Variants in HDAC9 observed in about 807,000 individuals in gnomAD.
HDAC9 encodes MEF-2 interacting transcription repressor (MITR) protein.
HDAC9 carries 41 observed loss-of-function variants against 139.4 expected under a neutral mutation model. The observed-to-expected ratio is 0.29, with a 90% CI of 0.23 to 0.38. The LOEUF (loss-of-function observed/expected upper bound fraction) is 0.38, where lower values mean the gene tolerates loss of function less well. Ranked by LOEUF, HDAC9 falls within the 10% of genes least tolerant of loss-of-function variation. HDAC9 has a pLI of 1.00. For synonymous variants in HDAC9, 517 were observed against 476.2 expected, an observed-to-expected ratio of 1.09 and a Z score of -1.12; for missense variants, 1,147 against 1,297.0, an observed-to-expected ratio of 0.88 and a Z score of 1.78.
At chr7:18,343,653 A>C (rs957980304) in intron 1 of HDAC9, among the ~76,000 whole-genome samples, 1 of 151,872 alleles carries the variant, frequency 6.6e-6, no homozygotes, top group Non-Finnish European at 1.5e-5. Context: ...AATATAAAAC[A>C]TAGAAATAAA....
intron 21 of HDAC9, among the ~76,000 whole-genome samples, chr7:18,841,018 A>G (rs1796550571): frequency 6.6e-6 from 1 of 152,140 alleles, no homozygotes; most frequent in South Asian, 2.1e-4. Context: ...AATAATGGTC[A>G]GCCTAGAGAT....
intron 25 of HDAC9, among the ~76,000 whole-genome samples, chr7:18,989,275 T>C (rs1057374667): frequency 6.6e-6 from 1 of 150,794 alleles, no homozygotes; most frequent in Non-Finnish European, 1.5e-5. Flanking sequence ...ACAAAATCTC[T>C]CAGCATTTGC....
intron 13 of HDAC9, 85 bp downstream of exon 13, chr7:18,727,842 C>G (rs181597104): frequency 4.6e-6 from 5 of 1,080,116 alleles, no homozygotes; most frequent in Middle Eastern, 2.1e-4. Flanking sequence ...CTCTGAATAA[C>G]TCCAATAGCA....
intron 12 of HDAC9, among the ~76,000 whole-genome samples, chr7:18,698,031 C>T (rs1429330289): frequency 1.3e-5 from 2 of 151,824 alleles, no homozygotes; most frequent in Non-Finnish European, 2.9e-5. Context: ...GACGCATGAA[C>T]AAAAATTATG....
chr7:18,669,784 A>G (rs937416361), intron 12 of HDAC9, among the ~76,000 whole-genome samples: 1 of 151,876 alleles, frequency 6.6e-6, no homozygotes, highest in Non-Finnish European at 1.5e-5. Context: ...AAAACTTTTC[A>G]TTAGAAAAAA....
chr7:18,558,968 G>A (rs906811167), intron 2 of HDAC9, among the ~76,000 whole-genome samples: 2 of 152,164 alleles, frequency 1.3e-5, no homozygotes. Flanking sequence ...GAAGTGAGGG[G>A]AACAGGTAAG....
rs987359262 is a variant in HDAC9 at position 18,591,531 on chromosome 7, C to T, written c.431C>T (p.Thr144Ile). The change falls in exon 5 of 26, where the codon ACA (threonine) becomes ATA (isoleucine). Residue 144 changes from threonine to isoleucine, a missense_variant. This residue lies in a region of HDAC9 where 136 missense variants were observed against 183.5 expected (regional missense o/e 0.74). Transcript: ENST00000686413. ...DRGRERAVAS[T>I]EVKQKLQEFL... ...TGTATTTCAGGGGCAGTGGCAAGTA[C>T]AGAAGTAAAGCAGAAGCTTCAAGAG... 1.3e-6 allele frequency: 2 copies of T among 1,591,138 alleles called. No individual in the cohort carries two copies. Among genetic ancestry groups the T allele is most frequent in the African/African-American group, 1.4e-5 (1 of 73,730 alleles).
At chr7:18,108,611 C>CTTT (rs10708554) in intron 1 of HDAC9, among the ~76,000 whole-genome samples, 3 of 82,976 alleles carry the variant, frequency 3.6e-5, no homozygotes, top group Non-Finnish European at 5.2e-5. Context: ...CACTCATCTC[C>CTTT]TTTTTTTTTT....
chr7:18,320,453 G>T (rs1401562259), intron 1 of HDAC9, among the ~76,000 whole-genome samples: 1 of 152,176 alleles, frequency 6.6e-6, no homozygotes, highest in African/African-American at 2.4e-5. Context: ...AACCTTGAAA[G>T]ATGTGTTGCT....
chr7:18,962,301 T>C (rs1783577516), intron 24 of HDAC9, among the ~76,000 whole-genome samples: 1 of 152,160 alleles, frequency 6.6e-6, no homozygotes. Context: ...GTTAGGCATT[T>C]TCCCACTATT....
intron 1 of HDAC9, among the ~76,000 whole-genome samples, chr7:18,332,986 CA>C (rs1781308404): frequency 6.6e-6 from 1 of 151,402 alleles, no homozygotes; most frequent in African/African-American, 2.4e-5. Context: ...TATTTTATGC[CA>C]AAATTTATGT....
At position 18,874,001 on chromosome 7, in the gene HDAC9, G is replaced by GT. The variant is rs35144869; in HGVS notation, c.2685-463dup. 9.3e-3 allele frequency among the ~76,000 whole-genome samples: 543 copies of GT among 58,192 alleles called. 2 individuals carry two copies. The highest frequency in any genetic ancestry group is 0.013 in the African/African-American group (208 of 16,146). The allele number at this position is 58,192 out of a possible 152,430, so 38.2% of individuals were successfully genotyped here. On this transcript the variant is annotated intron_variant, in intron 21 of 25. Transcript: ENST00000686413. ...CCTACCATGATAAATATTTAAAAAT[G>GT]TTTTTTTTTTTTTTAAGTTGGGAAA...
At chr7:18,167,616 A>G (rs1033372514) in intron 2 of HDAC9, among the ~76,000 whole-genome samples, 1 of 152,168 alleles carries the variant, frequency 6.6e-6, no homozygotes, top group Non-Finnish European at 1.5e-5. Flanking sequence ...GTGCTTCTTC[A>G]GTTCATGTAT....
At chr7:18,845,741 C>G (rs375682504) in intron 21 of HDAC9, among the ~76,000 whole-genome samples, 1 of 151,988 alleles carries the variant, frequency 6.6e-6, no homozygotes, top group African/African-American at 2.4e-5. Flanking sequence ...AGAGCAACAA[C>G]GACAACAAGC....
chr7:18,756,638 A>G (rs954431212), intron 14 of HDAC9, among the ~76,000 whole-genome samples: 14 of 152,356 alleles, frequency 9.2e-5, no homozygotes, highest in African/African-American at 3.4e-4. Context: ...TTAAGGCTAA[A>G]AATGAGCTTT....
intron 2 of HDAC9, among the ~76,000 whole-genome samples, chr7:18,572,190 G>A (rs916037294): frequency 6.6e-6 from 1 of 151,440 alleles, no homozygotes; most frequent in Non-Finnish European, 1.5e-5. Context: ...AGGTTCCGGA[G>A]TTATAAGGGA....
rs76665602 is a variant in HDAC9, at chr7:18,535,282, T to C, written c.22+38958T>C. Among the ~76,000 whole-genome samples the C allele has an allele frequency of 4.5e-3, 679 of 152,296 alleles. 6 individuals carry two copies. The highest frequency in any genetic ancestry group is 0.015 in the African/African-American group (607 of 41,568). ...GCATTTGGTCAATCCATCATTTTTATTCAGAAGTCATACAATTTTTAAATC... is the reference window on the plus strand; with the variant it reads ...GCATTTGGTCAATCCATCATTTTTACTCAGAAGTCATACAATTTTTAAATC... On this transcript the variant is annotated intron_variant, in intron 2 of 25. Transcript: ENST00000686413.
chr7:18,938,265 TA>T (rs1449111287), intron 23 of HDAC9, among the ~76,000 whole-genome samples: 1 of 128,190 alleles, frequency 7.8e-6, no homozygotes, highest in African/African-American at 2.9e-5. Flanking sequence ...TTGATGGCAA[TA>T]TGAGAGATTA....
At chr7:18,758,182 T>C (rs993761076) in intron 14 of HDAC9, among the ~76,000 whole-genome samples, 2 of 152,200 alleles carry the variant, frequency 1.3e-5, no homozygotes, top group African/African-American at 4.8e-5. Context: ...AAGACCCGTA[T>C]TGACTCCAGG....
Sources: gnomAD v4.1 joint callset for allele counts (sites outside exome capture counted in the v4.1 genomes callset) on GRCh38, gnomAD v4.1.1 for gene constraint, gnomAD v4.1.1 regional missense constraint, MANE v1.5 for transcripts, NCBI Gene and HGNC (gene_info 2026-07-23, HGNC 2026-07-21) for gene names.